Variants in CHPF2 observed in about 807,000 individuals in gnomAD.
CHPF2 encodes the protein chondroitin polymerizing factor 2, non-catalytic subunit.
In CHPF2, 58 loss-of-function variants were observed where a neutral mutation model predicts 63.0. That is an observed-to-expected ratio of 0.92 (90% CI 0.75 to 1.15). The LOEUF (loss-of-function observed/expected upper bound fraction) is 1.15. Ranked by LOEUF, CHPF2 falls within the 50% of genes most tolerant of loss-of-function variation. The pLI, the probability that CHPF2 is intolerant of heterozygous loss-of-function variation, is 0.00. For missense variants in CHPF2, 1,045 were observed against 1,035.4 expected, an observed-to-expected ratio of 1.01 and a Z score of -0.13; for synonymous variants, 442 against 438.0, an observed-to-expected ratio of 1.01 and a Z score of -0.11.
At position 151,234,181 on chromosome 7, in the gene CHPF2, C is replaced by T; in HGVS notation, c.170C>T (p.Ser57Phe). 1.2e-6 allele frequency: 2 copies of T among 1,613,788 alleles called. No homozygotes were observed. The highest frequency in any genetic ancestry group is 1.7e-6 in the Non-Finnish European group (2 of 1,179,870). ...CGAGGAGGGCCACAGAATCCAGATT[C>T]CAGAGCTCGGCTAGACCAAAGTGAT... is the stretch of plus-strand genomic sequence containing the variant. ...GERGGPQNPD[S>F]RARLDQSDED... Residue 57 changes from serine to phenylalanine, a missense_variant, in exon 1 of 4, where the codon TCC (serine) becomes TTC (phenylalanine). Physicochemically the swap from Ser to Phe is radical, Grantham distance 155. Coordinates refer to ENST00000035307, the MANE Select transcript of CHPF2 (RefSeq NM_019015.3).
chr7:151,234,080 G>T lies in CHPF2; in HGVS notation c.69G>T (p.Gly23=). The change falls in exon 1 of 4, where the codon GGG becomes GGT. Residue 23 remains glycine (G), a synonymous_variant. Transcript: ENST00000035307. ...ALPLILGLSL[G]CSLSLLRVSW... The stretch of plus-strand genomic sequence containing the variant: ...CCCTCATCTTAGGGCTGTCTCTGGG[G>T]TGCAGCCTGAGCCTCCTGCGGGTTT... 1 of 1,604,112 alleles carries T rather than the reference G, an allele frequency of 6.2e-7. No individual in the cohort carries two copies. The highest frequency in any genetic ancestry group is 8.5e-7 in the Non-Finnish European group (1 of 1,175,118).
Position 151,235,173 on chromosome 7 carries a change from G to C in CHPF2, c.389G>C (p.Arg130Pro). Residue 130 changes from arginine (R) to proline (P), a missense_variant, in exon 2 of 4, where the codon CGG becomes CCG. Transcript: ENST00000035307. ...VNRTVAHHFP[R>P]LLYFTGQRGA... ...CGTACGGTGGCCCATCACTTCCCTC[G>C]GTTACTCTACTTCACTGGGCAGCGG... The C allele has an allele frequency of 6.2e-7, 1 of 1,613,358 alleles. No individual in the cohort carries two copies. Among genetic ancestry groups the C allele is most frequent in the East Asian group, 2.2e-5 (1 of 44,856 alleles).
rs769041407 is a variant in CHPF2, at chr7:151,235,408, C to T, written c.624C>T (p.Gly208=). 50 of 1,613,158 alleles carry T rather than the reference C, an allele frequency of 3.1e-5. No homozygotes were observed. The highest frequency in any genetic ancestry group is 1.9e-4 in the South Asian group (17 of 91,088). The change falls in exon 2 of 4, where the codon GGC becomes GGT. Residue 208 remains glycine, a synonymous_variant. Coordinates refer to ENST00000035307, the MANE Select transcript of CHPF2 (RefSeq NM_019015.3). The part of the protein sequence containing the change: ...HLSINQDLYL[G]RAEEFIGAGE... ...GCATCAACCAAGACCTGTACTTAGG[C>T]CGGGCAGAGGAGTTCATTGGCGCAG...
At position 151,233,705 on chromosome 7, in the gene CHPF2, C is replaced by CT; in HGVS notation, c.-302dup. ...GCAGTATTGAGTTTTACTTCCTCCTCTTTTTAGTGGAAGACAGACCATAAT... is the reference window on the plus strand; with the variant it reads ...GCAGTATTGAGTTTTACTTCCTCCTCTTTTTTAGTGGAAGACAGACCATAAT... On this transcript the variant is annotated 5_prime_UTR_variant, in exon 1 of 4. The change abolishes the stop of an existing upstream ORF in the 5' untranslated region. Transcript: ENST00000035307. 5.4e-6 allele frequency: 6 copies of CT among 1,115,114 alleles called. No individual in the cohort carries two copies. The highest frequency in any genetic ancestry group is 5.5e-6 in the Non-Finnish European group (5 of 914,284). The allele number at this position is 1,115,114 out of a possible 1,614,324, so 69.1% of individuals were successfully genotyped here.
At position 151,234,168 on chromosome 7, in the gene CHPF2, CAG is replaced by C. The variant is rs1802557675; in HGVS notation, c.159_160del (p.Asn54SerfsTer11). On this transcript the variant is annotated frameshift_variant, in exon 1 of 4. Transcript: ENST00000035307. LOFTEE classifies it high-confidence loss of function. ...VEAVGERGGPQNPDSRARLDQ... is the reference protein window; with the variant it reads ...VEAVGERGGPXNPDSRARLDQ... ...GGCTGTAGGGGAGCGAGGAGGGCCA[CAG>C]AATCCAGATTCCAGAGCTCGGCTAG... is the stretch of plus-strand genomic sequence containing the variant. The C allele has an allele frequency of 2.5e-6, 4 of 1,613,686 alleles. No homozygotes were observed. Among genetic ancestry groups the C allele is most frequent in the Non-Finnish European group, 3.4e-6 (4 of 1,179,870 alleles).
In CHPF2 at chr7:151,237,525, AT is replaced by A. The variant is rs774454061; in HGVS notation, c.1164del (p.Asp388GlufsTer66). ...FTEQHTFSCA[D>X]GAPKCPLQGA... ...GAGCAGCACACCTTCTCCTGTGCAG[AT>A]GGGGCTCCCAAGTGCCCACTACAGG... On this transcript the variant is annotated frameshift_variant, in exon 4 of 4. Transcript: ENST00000035307. LOFTEE classifies it high-confidence loss of function. 3 of 1,614,014 alleles carry A rather than the reference AT, an allele frequency of 1.9e-6. No individual in the cohort carries two copies. In the East Asian group the frequency reaches 6.7e-5, roughly 36 times the overall value.
intron 2 of CHPF2, 141 bp from the exon 3 acceptor site, chr7:151,236,267 C>A (rs1207848211): frequency 1.5e-6 from 1 of 647,528 alleles, no homozygotes; most frequent in Non-Finnish European, 2.4e-6. Context: ...TGGGGTTAAG[C>A]GAGGTGCTGG....
chr7:151,236,267 C>T (rs1207848211), intron 2 of CHPF2, 141 bp from the exon 3 acceptor site: 2 of 647,410 alleles, frequency 3.1e-6, no homozygotes, highest in East Asian at 3.1e-5. Flanking sequence ...TGGGGTTAAG[C>T]GAGGTGCTGG....
Position 151,234,096 on chromosome 7 carries a change from C to G in CHPF2, c.85C>G (p.Leu29Val), listed in dbSNP as rs1235929384. ...GTCTCTGGGGTGCAGCCTGAGCCTC[C>G]TGCGGGTTTCCTGGATCCAGGGGGA... ...GLSLGCSLSL[L>V]RVSWIQGEGE... The change falls in exon 1 of 4, where the codon CTG becomes GTG. Residue 29 changes from leucine (L) to valine (V), a missense_variant. Coordinates refer to ENST00000035307, the MANE Select transcript of CHPF2 (RefSeq NM_019015.3). 6.2e-7 allele frequency: 1 copy of G among 1,609,360 alleles called. No individual in the cohort carries two copies.
chr7:151,235,737 G>A (rs1802623333), intron 2 of CHPF2, 125 bp downstream of exon 2: 1 of 895,350 alleles, frequency 1.1e-6, no homozygotes, highest in Non-Finnish European at 1.7e-6. Context: ...CGCTCTGTGG[G>A]CCCTCCGTTG....
Position 151,235,212 on chromosome 7 carries a change from C to T in CHPF2, c.428C>T (p.Pro143Leu). Residue 143 changes from proline (P) to leucine (L), a missense_variant, in exon 2 of 4, where the codon CCA becomes CTA. Physicochemically the swap from Pro to Leu is moderately conservative, Grantham distance 98. Transcript: ENST00000035307. ...YFTGQRGARA[P>L]AGMQVVSHGD... ...ACTGGGCAGCGGGGGGCCCGGGCTC[C>T]AGCAGGGATGCAGGTGGTGTCTCAT... 1 of 1,613,110 alleles carries T rather than the reference C, an allele frequency of 6.2e-7. No individual in the cohort carries two copies. Among genetic ancestry groups the T allele is most frequent in the Non-Finnish European group, 8.5e-7 (1 of 1,179,518 alleles).
At position 151,238,132 on chromosome 7, in the gene CHPF2, C is replaced by A; in HGVS notation, c.1770C>A (p.Phe590Leu). 6.2e-7 allele frequency: 1 copy of A among 1,612,406 alleles called. No homozygotes were observed. Among genetic ancestry groups the A allele is most frequent in the Non-Finnish European group, 8.5e-7 (1 of 1,180,016 alleles). ...AGAAGCACCCTGTGGACACTCTCTT[C>A]TTCCTTACCACCGTGTGGACAAGGC... is the stretch of plus-strand genomic sequence containing the variant. ...VSKKHPVDTL[F>L]FLTTVWTRPG... The change falls in exon 4 of 4, where the codon TTC becomes TTA. Residue 590 changes from phenylalanine to leucine, a missense_variant. Physicochemically the swap from Phe to Leu is conservative, Grantham distance 22. Transcript: ENST00000035307.
rs1802727749 is a variant in CHPF2 at position 151,237,876 on chromosome 7, C to T, written c.1514C>T (p.Ala505Val). Reference sequence around the variant, plus strand: ...GTGGCTGAAGCTGCTGCAGCCCCGGCTTTCCTCGAGGCCTTTGCAGCCAAT... The same window carrying T: ...GTGGCTGAAGCTGCTGCAGCCCCGGTTTTCCTCGAGGCCTTTGCAGCCAAT... ...LLVAEAAAAP[A>V]FLEAFAANVL... is the part of the protein sequence containing the mutation. Residue 505 changes from alanine (A) to valine (V), a missense_variant, in exon 4 of 4, where the codon GCT (alanine) becomes GTT (valine). By Grantham distance (64) the Ala-to-Val change is moderately conservative. Coordinates refer to ENST00000035307, the MANE Select transcript of CHPF2 (RefSeq NM_019015.3). The T allele has an allele frequency of 1.2e-5, 20 of 1,612,642 alleles. No homozygotes were observed. The highest frequency in any genetic ancestry group is 1.7e-5 in the Non-Finnish European group (20 of 1,180,006).
chr7:151,233,170 C>T lies in CHPF2; in HGVS notation c.-842C>T. ...GCCCTGGTAAAACCAGGCACCGAAT[C>T]GCTCGCACACAGAGTTCCAGTCCCC... On this transcript the variant is annotated 5_prime_UTR_variant, in exon 1 of 4. Coordinates refer to ENST00000035307, the MANE Select transcript of CHPF2 (RefSeq NM_019015.3). 3 of 1,051,772 alleles carry T rather than the reference C, an allele frequency of 2.9e-6. No homozygotes were observed. The highest frequency in any genetic ancestry group is 3.4e-6 in the Non-Finnish European group (3 of 873,152). 65.2% of individuals were successfully genotyped at this position (1,051,772 alleles called of 1,614,324 possible).
intron 1 of CHPF2, 141 bp from the exon 2 acceptor site, chr7:151,234,907 C>T (rs1802585178): frequency 1.6e-6 from 1 of 617,628 alleles, no homozygotes. Context: ...ATACTCAGTT[C>T]AGTACCTAAT....
In CHPF2 at chr7:151,232,846, C is replaced by T. The variant is rs1802511148; in HGVS notation, c.-1166C>T. On this transcript the variant is annotated 5_prime_UTR_variant, in exon 1 of 4. An upstream open reading frame in the 5' UTR gains an earlier in-frame stop. Coordinates refer to ENST00000035307, the MANE Select transcript of CHPF2 (RefSeq NM_019015.3). ...GCCCCAGTCTCCCAGCCGCGACCTC[C>T]GACCCCGCCTCGCAGAACGACCCGA... 6.9e-7 allele frequency: 1 copy of T among 1,445,040 alleles called. No individual in the cohort carries two copies. The highest frequency in any genetic ancestry group is 9.1e-7 in the Non-Finnish European group (1 of 1,102,986). The allele number at this position is 1,445,040 out of a possible 1,614,324, so 89.5% of individuals were successfully genotyped here. A position where few individuals can be genotyped will look rare whatever the true frequency, so the allele number is the denominator to read the frequency against.
At chr7:151,237,308 A>G in intron 3 of CHPF2, 66 bp from the exon 4 acceptor site, 1 of 1,299,210 alleles carries the variant, frequency 7.7e-7, no homozygotes, top group Non-Finnish European at 1.1e-6. Flanking sequence ...CTCAGAGCCC[A>G]GGCAGCTGGA....
chr7:151,232,633 C>T lies in CHPF2; in HGVS notation c.-1379C>T, dbSNP rs998165966. 2.2e-6 allele frequency: 2 copies of T among 926,560 alleles called. No individual in the cohort carries two copies. The highest frequency in any genetic ancestry group is 1.8e-5 in the African/African-American group (1 of 56,734). 57.4% of individuals were successfully genotyped at this position (926,560 alleles called of 1,614,324 possible). ...CCGCTCTTGGTCCCCACGCCTCCGC[C>T]CCGCCCCCTCCCGGGACGCCGGGAG... is the stretch of plus-strand genomic sequence containing the variant. On this transcript the variant is annotated 5_prime_UTR_variant, in exon 1 of 4. Coordinates refer to ENST00000035307, the MANE Select transcript of CHPF2 (RefSeq NM_019015.3).
Position 151,235,543 on chromosome 7 carries a change from C to T in CHPF2, c.759C>T (p.Ala253=). The T allele has an allele frequency of 6.2e-7, 1 of 1,611,034 alleles. No individual in the cohort carries two copies. Among genetic ancestry groups the T allele is most frequent in the Non-Finnish European group, 8.5e-7 (1 of 1,180,018 alleles). ...LDGCRGDILS[A]RPDEWLGRCL... is the part of the protein sequence containing the mutation. ...GCTGCCGAGGAGACATTCTCAGTGC[C>T]CGTCCTGACGAGTGGCTTGGACGCT... Residue 253 remains alanine (A), a synonymous_variant, in exon 2 of 4, where the codon GCC becomes GCT. Coordinates refer to ENST00000035307, the MANE Select transcript of CHPF2 (RefSeq NM_019015.3).
Sources: gnomAD v4.1 joint callset for allele counts on GRCh38, gnomAD v4.1.1 for gene constraint, MANE v1.5 for transcripts, NCBI Gene and HGNC (gene_info 2026-07-23, HGNC 2026-07-21) for gene names.